The following CXorf38 variants were observed in gnomAD, a reference collection of about 807,000 sequenced individuals.
The protein encoded by CXorf38 is uncharacterized protein CXorf38.
A neutral mutation model predicts 27.5 loss-of-function variants in CXorf38; 13 were observed. The observed-to-expected ratio is 0.47, with a 90% confidence interval of 0.31 to 0.75. The LOEUF (loss-of-function observed/expected upper bound fraction) is 0.75, where lower values mean the gene tolerates loss of function less well. Among genes scored for constraint, CXorf38 ranks in the 30% least tolerant of loss-of-function variants. The probability of loss-of-function intolerance (pLI) is 0.05; values close to 1 mark genes in which losing one functional copy is unlikely to be tolerated. For missense variants in CXorf38, 240 were observed against 253.2 expected (o/e 0.95, Z 0.35); for synonymous variants, 100 against 99.8 (o/e 1.00, Z -0.01).
At chrX:40,631,252 T>TACACACAC (rs1298183364) in intron 5 of CXorf38, among the ~76,000 whole-genome samples, 5 of 37,662 alleles carry the variant, frequency 1.3e-4, no homozygotes, top group African/African-American at 3.9e-4. Context: ...TGTATATATA[T>TACACACAC]ATACACACAC....
chrX:40,642,082 A>G (rs1220942512), intron 2 of CXorf38, among the ~76,000 whole-genome samples: 1 of 111,545 alleles, frequency 9.0e-6, no homozygotes, highest in Non-Finnish European at 1.9e-5. Flanking sequence ...TCAGAGCAGC[A>G]GAGGCCTGGT....
intron 2 of CXorf38, among the ~76,000 whole-genome samples, chrX:40,643,807 G>A (rs1201327735): frequency 8.9e-6 from 1 of 111,954 alleles, no homozygotes; most frequent in South Asian, 3.7e-4. Context: ...ACCGTGCCCC[G>A]CCTGGACATT....
Position 40,637,036 on chromosome X carries a change from T to C in CXorf38, c.592A>G (p.Ile198Val). 8.3e-7 allele frequency: 1 copy of C among 1,207,622 alleles called. No individual in the cohort carries two copies. Among genetic ancestry groups the C allele is most frequent in the Non-Finnish European group, 1.1e-6 (1 of 893,241 alleles). The stretch of plus-strand genomic sequence containing the variant: ...TCTATTCTGGAGTATACTGCCACAA[T>C]CTCTGGGATGTTCTTGAATTCATTC... ...FLNEFKNIPEIVAVYSRIEQL... is the reference protein window; with the variant it reads ...FLNEFKNIPEVVAVYSRIEQL... The change falls in exon 4 of 7, where the codon ATT becomes GTT. Residue 198 changes from isoleucine (I) to valine (V), a missense_variant. Coordinates refer to ENST00000327877, the MANE Select transcript of CXorf38 (RefSeq NM_144970.3).
intron 1 of CXorf38, 35 bp from the exon 2 acceptor site, chrX:40,647,176 G>T (rs370041313): frequency 2.5e-6 from 3 of 1,206,519 alleles, no homozygotes; most frequent in Non-Finnish European, 3.4e-6. Context: ...GGCCCAGGAG[G>T]GAGGGACGTC....
chrX:40,644,901 T>C (rs1928507995), intron 2 of CXorf38, among the ~76,000 whole-genome samples: 1 of 111,719 alleles, frequency 9.0e-6, no homozygotes, highest in South Asian at 3.7e-4. Context: ...TGATCAAGAA[T>C]GAAAGTGAAA....
At chrX:40,640,535 G>A (rs1928273291) in intron 2 of CXorf38, among the ~76,000 whole-genome samples, 1 of 100,178 alleles carries the variant, frequency 1.0e-5, no homozygotes, top group East Asian at 3.2e-4. Flanking sequence ...TCATACACCT[G>A]AGCCCCACAT....
chrX:40,630,412 T>C (rs1927719427), intron 6 of CXorf38: 2 of 349,349 alleles, frequency 5.7e-6, no homozygotes, highest in African/African-American at 2.6e-5. Flanking sequence ...AAACAGGGAG[T>C]TGATGCTGAA....
Position 40,628,533 on chromosome X carries a change from T to C in CXorf38, c.*1631A>G, listed in dbSNP as rs1361601055. ...CCACTGCCTATGATGGGGCAGTCAT[T>C]GCGCAGTTTGGGAAACCAGCAGGAG... On this transcript the variant is annotated 3_prime_UTR_variant, in exon 7 of 7. Coordinates refer to ENST00000327877, the MANE Select transcript of CXorf38 (RefSeq NM_144970.3). The C allele has an allele frequency of 3.6e-5, 4 of 112,042 alleles. No individual in the cohort carries two copies. The highest frequency in any genetic ancestry group is 1.3e-4 in the African/African-American group (4 of 30,783). The allele number at this position is 112,042 out of a possible 1,213,427, so 9.2% of individuals were successfully genotyped here.
At position 40,631,003 on chromosome X, in the gene CXorf38, G is replaced by C. The variant is rs181063446; in HGVS notation, c.802-230C>G. 5.2e-3 allele frequency among the ~76,000 whole-genome samples: 575 copies of C among 110,586 alleles called. 5 individuals are homozygous for C. The highest frequency in any genetic ancestry group is 0.018 in the African/African-American group (541 of 30,392). On this transcript the variant is annotated intron_variant, in intron 5 of 6. Transcript: ENST00000327877. ...AATAAAAAAGTGACCCAGGATAACT[G>C]GTTCTGGGGGTACACAAGGGAATAT...
At position 40,647,293 on chromosome X, in the gene CXorf38, C is replaced by T; in HGVS notation, c.216+12G>A. The T allele has an allele frequency of 9.1e-7, 1 of 1,094,215 alleles. No homozygotes were observed. The highest frequency in any genetic ancestry group is 1.9e-5 in the African/African-American group (1 of 52,879). 90.2% of individuals were successfully genotyped at this position (1,094,215 alleles called of 1,213,427 possible). A position where few individuals can be genotyped will look rare whatever the true frequency, so the allele number is the denominator to read the frequency against. On this transcript the variant is annotated intron_variant, in intron 1 of 6. Coordinates refer to ENST00000327877, the MANE Select transcript of CXorf38 (RefSeq NM_144970.3). Reference sequence around the variant, plus strand: ...TGGGGGCGGTGGTCAAGGCCCCGAGCCAGGTGCTCACCTGGCGGGCGCGAG... The same window carrying T: ...TGGGGGCGGTGGTCAAGGCCCCGAGTCAGGTGCTCACCTGGCGGGCGCGAG...
At chrX:40,642,991 G>A (rs1469156586) in intron 2 of CXorf38, among the ~76,000 whole-genome samples, 1 of 110,697 alleles carries the variant, frequency 9.0e-6, no homozygotes, top group Non-Finnish European at 1.9e-5. Context: ...GGCCAGGCTG[G>A]TCTTGAACTC....
At chrX:40,632,773 T>C in intron 5 of CXorf38, among the ~76,000 whole-genome samples, 1 of 111,814 alleles carries the variant, frequency 8.9e-6, no homozygotes, top group South Asian at 3.7e-4. Context: ...CCAAGACATC[T>C]GACCTCTCTG....
chrX:40,631,495 G>A (rs1330902785), intron 5 of CXorf38, among the ~76,000 whole-genome samples: 1 of 110,321 alleles, frequency 9.1e-6, no homozygotes, highest in Non-Finnish European at 1.9e-5. Flanking sequence ...TAGTAGAGAC[G>A]GGGTTTTGCC....
chrX:40,646,683 AC>A (rs1178258014), intron 2 of CXorf38, among the ~76,000 whole-genome samples: 1 of 111,339 alleles, frequency 9.0e-6, no homozygotes. Flanking sequence ...AACAGGCCAC[AC>A]AAGAGTCTCC....
intron 2 of CXorf38, among the ~76,000 whole-genome samples, chrX:40,643,899 A>T (rs1355191874): frequency 8.9e-6 from 1 of 112,735 alleles, no homozygotes; most frequent in Admixed American, 9.4e-5. Flanking sequence ...TCTTTCACTC[A>T]GCATACTGTT....
intron 5 of CXorf38, among the ~76,000 whole-genome samples, chrX:40,633,552 G>A (rs1399654253): frequency 1.8e-5 from 2 of 111,409 alleles, no homozygotes; most frequent in Admixed American, 9.5e-5. Context: ...AACAGTATCT[G>A]TCTGTTTCAT....
chrX:40,641,702 T>C (rs1315995730), intron 2 of CXorf38, among the ~76,000 whole-genome samples: 1 of 112,132 alleles, frequency 8.9e-6, no homozygotes, highest in Non-Finnish European at 1.9e-5. Context: ...TTGCTACAAG[T>C]TTATTTTAGT....
In CXorf38 at chrX:40,627,154, G is replaced by A. The variant is rs1216395289; in HGVS notation, c.*3010C>T. On this transcript the variant is annotated 3_prime_UTR_variant, in exon 7 of 7. Coordinates refer to ENST00000327877, the MANE Select transcript of CXorf38 (RefSeq NM_144970.3). ...GACCTCTACTATTCTAAAACACAAA[G>A]AGCATTACAGCTTGCTATGCATTTT... 1.1e-5 allele frequency: 1 copy of A among 92,364 alleles called. No individual in the cohort carries two copies. Among genetic ancestry groups the A allele is most frequent in the Non-Finnish European group, 2.1e-5 (1 of 47,893 alleles). The allele number at this position is 92,364 out of a possible 1,213,427, so 7.6% of individuals were successfully genotyped here.
chrX:40,635,100 C>T (rs1040943965), intron 5 of CXorf38, among the ~76,000 whole-genome samples: 2 of 112,706 alleles, frequency 1.8e-5, no homozygotes, highest in African/African-American at 6.4e-5. Context: ...CTGCCAGGTT[C>T]CCTTCCAGCT....
Sources: allele counts gnomAD v4.1 joint callset (sites outside exome capture counted in the v4.1 genomes callset), GRCh38; gene constraint gnomAD v4.1.1; transcripts MANE v1.5; gene names NCBI Gene and HGNC (gene_info 2026-07-23, HGNC 2026-07-21).